The following NBEA variants were observed in gnomAD, a reference collection of about 807,000 sequenced individuals.
NBEA encodes neurobeachin.
Under a neutral mutation model 343.4 loss-of-function variants are expected in NBEA, and 44 were observed. The observed-to-expected ratio is 0.13, with a 90% CI of 0.10 to 0.16. The LOEUF (loss-of-function observed/expected upper bound fraction) is 0.16. NBEA is among the 10% of genes least tolerant of loss of function. NBEA has a pLI of 1.00. For synonymous variants in NBEA, 1,175 were observed against 1,238.7 expected, an observed-to-expected ratio of 0.95 and a Z score of 1.08; for missense variants, 2,555 against 3,631.3, an observed-to-expected ratio of 0.70 and a Z score of 7.62.
chr13:35,207,063 T>A (rs1662490869), intron 31 of NBEA, among the ~76,000 whole-genome samples: 1 of 151,936 alleles, frequency 6.6e-6, no homozygotes, highest in Admixed American at 6.6e-5. Context: ...GTGAAGAAAT[T>A]TTTTGGCATG....
intron 10 of NBEA, among the ~76,000 whole-genome samples, chr13:35,082,688 G>A (rs8002205): frequency 0.1 from 15,644 of 152,010 alleles, 942 homozygotes; most frequent in South Asian, 0.16. Flanking sequence ...GCATTTTTTC[G>A]TGTGTCTTTT....
intron 33 of NBEA, among the ~76,000 whole-genome samples, chr13:35,231,027 C>A (rs951792): frequency 0.042 from 6,403 of 152,122 alleles, 158 homozygotes; most frequent in South Asian, 0.079. Flanking sequence ...CTATTGAAAT[C>A]TCTTAATTTC....
Position 35,169,006 on chromosome 13 carries a change from C to T in NBEA, c.4242+11C>T. 2 of 1,487,306 alleles carry T rather than the reference C, an allele frequency of 1.3e-6. No individual in the cohort carries two copies. Among genetic ancestry groups the T allele is most frequent in the Non-Finnish European group, 1.8e-6 (2 of 1,120,384 alleles). 92.1% of individuals were successfully genotyped at this position (1,487,306 alleles called of 1,614,324 possible). A position where few individuals can be genotyped will look rare whatever the true frequency, so the allele number is the denominator to read the frequency against. The stretch of plus-strand genomic sequence containing the variant: ...GTCCAGGGTTCTAAGGTTAGTATTA[C>T]TTTTGTAGTAATTTTCAGCTTTCAG... On this transcript the variant is annotated intron_variant, in intron 25 of 58. Transcript: ENST00000379939.
chr13:35,594,890 C>T (rs980726028), intron 47 of NBEA, among the ~76,000 whole-genome samples: 1 of 148,798 alleles, frequency 6.7e-6, no homozygotes, highest in African/African-American at 2.5e-5. Context: ...AGAGCTATAT[C>T]CATATTATAT....
intron 38 of NBEA, among the ~76,000 whole-genome samples, chr13:35,353,496 A>G (rs1000177987): frequency 6.6e-6 from 1 of 152,104 alleles, no homozygotes; most frequent in African/African-American, 2.4e-5. Context: ...TATTTAACCA[A>G]CTTCCTGGGA....
intron 48 of NBEA, among the ~76,000 whole-genome samples, chr13:35,625,710 C>T (rs1166027330): frequency 6.6e-6 from 1 of 151,792 alleles, no homozygotes; most frequent in African/African-American, 2.4e-5. Context: ...GGGATATGAA[C>T]AGGAAATTTA....
chr13:35,373,707 A>AAATAATAATAATAATAATAATAATAAT lies in NBEA; in HGVS notation c.6179+21407_6179+21408insTAATAATAATAATAATAATAATAATAA, dbSNP rs60612475. Among the ~76,000 whole-genome samples, 454 of 149,784 alleles carry AAATAATAATAATAATAATAATAATAAT rather than the reference A, an allele frequency of 3.0e-3. 5 individuals are homozygous for AAATAATAATAATAATAATAATAATAAT. Among genetic ancestry groups the AAATAATAATAATAATAATAATAATAAT allele is most frequent in the South Asian group, 3.6e-3 (17 of 4,686 alleles). Reference sequence around the variant, plus strand: ...GTGACAGAGGGAGACACTGTCTCAAAAATAATAATAATAATAATAATAACA... The same window carrying AAATAATAATAATAATAATAATAATAAT: ...GTGACAGAGGGAGACACTGTCTCAAAAATAATAATAATAATAATAATAATAATAATAATAATAATAATAATAATAACA... On this transcript the variant is annotated intron_variant, in intron 38 of 58. Transcript: ENST00000379939.
intron 31 of NBEA, among the ~76,000 whole-genome samples, chr13:35,198,733 T>C (rs528939705): frequency 2.2e-4 from 33 of 151,684 alleles, no homozygotes; most frequent in African/African-American, 8.0e-4. Context: ...TACTATCAAA[T>C]GTAAATGATG....
intron 36 of NBEA, among the ~76,000 whole-genome samples, chr13:35,341,484 A>T (rs1209222329): frequency 6.6e-6 from 1 of 152,076 alleles, no homozygotes; most frequent in Non-Finnish European, 1.5e-5. Context: ...AATGTTTGCA[A>T]ATCATGTGTC....
At chr13:35,137,121 A>G (rs1051073443) in intron 17 of NBEA, among the ~76,000 whole-genome samples, 1 of 152,158 alleles carries the variant, frequency 6.6e-6, no homozygotes, top group Non-Finnish European at 1.5e-5. Context: ...TTTATTCATA[A>G]TTATTTTTTA....
intron 34 of NBEA, among the ~76,000 whole-genome samples, chr13:35,290,182 T>A (rs2152817851): frequency 6.6e-6 from 1 of 151,908 alleles, no homozygotes; most frequent in African/African-American, 2.4e-5. Flanking sequence ...AATATCATAC[T>A]GAATGGGCAA....
intron 13 of NBEA, among the ~76,000 whole-genome samples, chr13:35,114,143 A>G (rs1054926698): frequency 2.0e-5 from 3 of 152,098 alleles, no homozygotes; most frequent in Non-Finnish European, 2.9e-5. Flanking sequence ...TGGTTTTTGA[A>G]TGTCATTGCT....
chr13:35,611,228 A>G (rs554928039), intron 48 of NBEA, among the ~76,000 whole-genome samples: 18 of 152,286 alleles, frequency 1.2e-4, no homozygotes, highest in Middle Eastern at 3.4e-3. Context: ...AAGTACATCA[A>G]TGTTTATAAT....
At chr13:35,633,837 A>T (rs1340266238) in intron 49 of NBEA, among the ~76,000 whole-genome samples, 6 of 152,288 alleles carry the variant, frequency 3.9e-5, no homozygotes, top group Non-Finnish European at 8.8e-5. Context: ...ATTTAATTTT[A>T]AAAAATCTGT....
At chr13:35,633,237 G>A (rs2153068566) in intron 49 of NBEA, among the ~76,000 whole-genome samples, 1 of 151,398 alleles carries the variant, frequency 6.6e-6, no homozygotes, top group Non-Finnish European at 1.5e-5. Flanking sequence ...CAAGTAGCTG[G>A]GACTACAGGC....
At chr13:35,254,386 T>C in intron 34 of NBEA, among the ~76,000 whole-genome samples, 1 of 150,924 alleles carries the variant, frequency 6.6e-6, no homozygotes. Context: ...TGCAGTGGCA[T>C]GATCACAGAT....
intron 10 of NBEA, among the ~76,000 whole-genome samples, chr13:35,086,525 C>T (rs1593296894): frequency 6.6e-6 from 1 of 151,930 alleles, no homozygotes; most frequent in Non-Finnish European, 1.5e-5. Context: ...TTAGTGCCCA[C>T]ATATGAGTGA....
At chr13:35,618,376 C>A (rs1373125892) in intron 48 of NBEA, among the ~76,000 whole-genome samples, 3 of 152,144 alleles carry the variant, frequency 2.0e-5, no homozygotes, top group African/African-American at 7.2e-5. Context: ...GTATTTGATG[C>A]ATTTGTAGCA....
chr13:35,337,063 ATATT>A (rs2039304343), intron 36 of NBEA, among the ~76,000 whole-genome samples: 1 of 152,154 alleles, frequency 6.6e-6, no homozygotes, highest in African/African-American at 2.4e-5. Flanking sequence ...ACACTAAAAA[ATATT>A]TAGTTAGTAC....
Sources: allele counts gnomAD v4.1 joint callset (sites outside exome capture counted in the v4.1 genomes callset), GRCh38; gene constraint gnomAD v4.1.1; transcripts MANE v1.5; gene names NCBI Gene and HGNC (gene_info 2026-07-23, HGNC 2026-07-21).